Variants in PTPRM observed in about 807,000 individuals in gnomAD.
PTPRM encodes protein tyrosine phosphatase receptor type M.
PTPRM carries 47 observed loss-of-function variants against 186.7 expected under a neutral mutation model. The ratio of observed to expected loss-of-function variants is 0.25; its 90% confidence interval spans 0.20 to 0.32. The LOEUF (loss-of-function observed/expected upper bound fraction) is 0.32, where lower values mean the gene tolerates loss of function less well. PTPRM is among the 10% of genes least tolerant of loss of function. The pLI is 1.00. For synonymous variants in PTPRM, 668 were observed against 674.9 expected (o/e 0.99, Z 0.16); for missense variants, 1,494 against 1,865.0 (o/e 0.80, Z 3.66).
intron 17 of PTPRM, 94 bp from the exon 18 acceptor site, chr18:8,252,394 A>G: frequency 1.9e-6 from 2 of 1,057,168 alleles, no homozygotes; most frequent in South Asian, 2.5e-5. Flanking sequence ...AGCATAAAAT[A>G]AAAACTACCT....
Position 8,318,258 on chromosome 18 carries a change from C to A in PTPRM, c.2920-920C>A, listed in dbSNP as rs7236185. ...GAGTGGATATTTTCTTTCCCAGATA[C>A]TTATCCTACAATTTTTTTGTTTCCT... On this transcript the variant is annotated intron_variant, in intron 21 of 32. Transcript: ENST00000580170. Among the ~76,000 whole-genome samples the A allele has an allele frequency of 2.0e-3, 257 of 129,036 alleles. 1 individual carries two copies. Among genetic ancestry groups the A allele is most frequent in the African/African-American group, 6.5e-3 (224 of 34,536 alleles). 84.7% of individuals were successfully genotyped at this position (129,036 alleles called of 152,430 possible).
intron 23 of PTPRM, among the ~76,000 whole-genome samples, chr18:8,352,323 G>T (rs551676816): frequency 1.3e-5 from 2 of 152,276 alleles, no homozygotes; most frequent in Non-Finnish European, 2.9e-5. Flanking sequence ...GGGGGCACAT[G>T]GGCAGGTTTG....
intron 7 of PTPRM, among the ~76,000 whole-genome samples, chr18:7,965,891 G>C (rs1043711393): frequency 1.4e-4 from 22 of 152,174 alleles, no homozygotes; most frequent in African/African-American, 5.1e-4. Flanking sequence ...ATACTCAGTG[G>C]CATCTGGCCT....
At chr18:7,972,124 T>A (rs924613408) in intron 7 of PTPRM, among the ~76,000 whole-genome samples, 1 of 106,918 alleles carries the variant, frequency 9.4e-6, no homozygotes, top group Non-Finnish European at 1.7e-5. Flanking sequence ...TGGAATACTA[T>A]GCAGCCATAA....
intron 14 of PTPRM, among the ~76,000 whole-genome samples, chr18:8,234,631 T>G (rs1260123376): frequency 6.6e-6 from 1 of 152,186 alleles, no homozygotes; most frequent in African/African-American, 2.4e-5. Context: ...TGAAAAGTAT[T>G]GGTGAGAGAG....
intron 1 of PTPRM, among the ~76,000 whole-genome samples, chr18:7,623,484 C>T (rs900858948): frequency 1.3e-5 from 2 of 152,078 alleles, no homozygotes; most frequent in Admixed American, 6.6e-5. Context: ...GCAGTTTTTA[C>T]AGCCTGCCTG....
Position 7,685,123 on chromosome 18 carries a change from G to A in PTPRM, c.74-89026G>A, listed in dbSNP as rs1234987865. Among the ~76,000 whole-genome samples the A allele has an allele frequency of 2.6e-5, 4 of 152,088 alleles. No individual in the cohort carries two copies. The East Asian group carries it at 5.8e-4, about 22-fold the overall frequency. ...AGGAGTGGCACATCATCATAGTCAC[G>A]AGTTCTACAGGATGTGGGATCTGGG... On this transcript the variant is annotated intron_variant, in intron 1 of 32. Coordinates refer to ENST00000580170, the MANE Select transcript of PTPRM (RefSeq NM_001105244.2).
Position 8,393,678 on chromosome 18 carries a change from C to T in PTPRM, c.4209-798C>T, listed in dbSNP as rs77911037. On this transcript the variant is annotated intron_variant, in intron 31 of 32. Transcript: ENST00000580170. ...GGAAGTTGGATATGCATTCTCTATG[C>T]TATTTTTACATTTCTGCACATCTAA... Among the ~76,000 whole-genome samples, 114 of 152,332 alleles carry T rather than the reference C, an allele frequency of 7.5e-4. No homozygotes were observed. In the East Asian group the frequency reaches 0.012, roughly 16 times the overall value.
At chr18:7,962,707 G>A (rs1251687200) in intron 7 of PTPRM, among the ~76,000 whole-genome samples, 3 of 152,184 alleles carry the variant, frequency 2.0e-5, no homozygotes, top group Non-Finnish European at 4.4e-5. Flanking sequence ...ATTATTTTTA[G>A]TTTGTTTCTG....
chr18:7,723,709 T>C (rs901216507), intron 1 of PTPRM, among the ~76,000 whole-genome samples: 3 of 152,174 alleles, frequency 2.0e-5, no homozygotes, highest in Non-Finnish European at 4.4e-5. Flanking sequence ...TCAGGAGGCA[T>C]GATTTTGAGG....
intron 9 of PTPRM, among the ~76,000 whole-genome samples, chr18:8,082,482 C>T (rs1422504209): frequency 6.8e-6 from 1 of 147,446 alleles, no homozygotes; most frequent in Admixed American, 6.8e-5. Context: ...TCCCTCCCTC[C>T]CTCCTTTTCT....
At chr18:7,986,294 T>C (rs558684215) in intron 7 of PTPRM, among the ~76,000 whole-genome samples, 1 of 152,350 alleles carries the variant, frequency 6.6e-6, no homozygotes, top group East Asian at 1.9e-4. Flanking sequence ...TGTTTCATTT[T>C]CTCAGGAAAG....
At chr18:8,302,793 G>C (rs2095174084) in intron 20 of PTPRM, among the ~76,000 whole-genome samples, 1 of 151,940 alleles carries the variant, frequency 6.6e-6, no homozygotes. Context: ...ATGGAAGGAT[G>C]GATGGGCCAT....
chr18:7,665,832 G>T (rs1437480535), intron 1 of PTPRM, among the ~76,000 whole-genome samples: 2 of 152,050 alleles, frequency 1.3e-5, no homozygotes, highest in African/African-American at 4.8e-5. Flanking sequence ...TGAGGCAGGA[G>T]AATCGCTTGA....
At chr18:7,946,836 G>T in intron 5 of PTPRM, 1 of 421,638 alleles carries the variant, frequency 2.4e-6, no homozygotes, top group Non-Finnish European at 4.7e-6. Context: ...CTTCCAAGTG[G>T]CAGGAACTGT....
chr18:8,268,248 A>G (rs1024290278), intron 19 of PTPRM, among the ~76,000 whole-genome samples: 2 of 152,102 alleles, frequency 1.3e-5, no homozygotes, highest in Non-Finnish European at 2.9e-5. Flanking sequence ...ATCTTCTTTA[A>G]TGTTTTTCAA....
intron 1 of PTPRM, among the ~76,000 whole-genome samples, chr18:7,588,782 C>A (rs1357107408): frequency 6.6e-6 from 1 of 152,192 alleles, no homozygotes; most frequent in Non-Finnish European, 1.5e-5. Context: ...TAACCGTGGT[C>A]ACTTGAAGGA....
intron 13 of PTPRM, among the ~76,000 whole-genome samples, chr18:8,116,027 T>C (rs1236832163): frequency 6.6e-6 from 1 of 152,230 alleles, no homozygotes; most frequent in Non-Finnish European, 1.5e-5. Context: ...ATATTGTACC[T>C]AAGTGACTTT....
chr18:7,931,061 A>G (rs531945196), intron 5 of PTPRM, among the ~76,000 whole-genome samples: 12 of 152,264 alleles, frequency 7.9e-5, no homozygotes, highest in Non-Finnish European at 1.3e-4. Flanking sequence ...GTAGGAAGAC[A>G]ACATCTGTAG....
Sources: allele counts gnomAD v4.1 joint callset (sites outside exome capture counted in the v4.1 genomes callset), GRCh38; gene constraint gnomAD v4.1.1; transcripts MANE v1.5; gene names NCBI Gene and HGNC (gene_info 2026-07-23, HGNC 2026-07-21).